Variants in MINPP1 observed in about 807,000 individuals in gnomAD.
MINPP1 encodes the protein multiple inositol polyphosphate phosphatase 1.
In MINPP1, 28 loss-of-function variants were observed where a neutral mutation model predicts 46.1. That is an observed-to-expected ratio of 0.61 (90% CI 0.45 to 0.83). The LOEUF (loss-of-function observed/expected upper bound fraction) is 0.83, where lower values mean the gene tolerates loss of function less well. Ranked by LOEUF, MINPP1 falls within the 40% of genes least tolerant of loss-of-function variation. The pLI is 0.00. For synonymous variants in MINPP1, 268 were observed against 249.1 expected, an observed-to-expected ratio of 1.08 and a Z score of -0.72; for missense variants, 603 against 610.0, an observed-to-expected ratio of 0.99 and a Z score of 0.12.
chr10:87,519,275 C>G (rs1283411898), intron 3 of MINPP1, among the ~76,000 whole-genome samples: 1 of 152,168 alleles, frequency 6.6e-6, no homozygotes, highest in Non-Finnish European at 1.5e-5. Context: ...ATAATCCAGT[C>G]CATCATCTGT....
At chr10:87,506,515 T>G (rs1199839875) in intron 1 of MINPP1, among the ~76,000 whole-genome samples, 1 of 152,178 alleles carries the variant, frequency 6.6e-6, no homozygotes, top group African/African-American at 2.4e-5. Flanking sequence ...GATGAGGAAA[T>G]TGATACACGA....
At chr10:87,513,985 G>A (rs975688307) in intron 3 of MINPP1, among the ~76,000 whole-genome samples, 12 of 151,958 alleles carry the variant, frequency 7.9e-5, no homozygotes, top group African/African-American at 1.2e-4. Context: ...GACTTCTGAC[G>A]GGTACATCTC....
In MINPP1 at chr10:87,514,787, C is replaced by T. The variant is rs576754986; in HGVS notation, c.933+1566C>T. ...CTGGAGTGCAGTGGCGCAATCTCAG[C>T]TAACTGAAACCTCTGCCTCCCGGAT... is the stretch of plus-strand genomic sequence containing the variant. On this transcript the variant is annotated intron_variant, in intron 3 of 4. Transcript: ENST00000371996. Among the ~76,000 whole-genome samples the T allele has an allele frequency of 6.6e-5, 10 of 152,244 alleles. No individual in the cohort carries two copies. In the East Asian group the frequency reaches 1.9e-3, roughly 30 times the overall value.
intron 4 of MINPP1, among the ~76,000 whole-genome samples, chr10:87,542,716 A>G (rs1401147906): frequency 6.6e-6 from 1 of 152,232 alleles, no homozygotes; most frequent in Non-Finnish European, 1.5e-5. Flanking sequence ...AGCAGATGCT[A>G]GAGCCACGCT....
intron 4 of MINPP1, among the ~76,000 whole-genome samples, chr10:87,536,096 A>G (rs1040339332): frequency 6.6e-6 from 1 of 152,234 alleles, no homozygotes; most frequent in Non-Finnish European, 1.5e-5. Flanking sequence ...TATTTGGACA[A>G]ATCTATTGAA....
chr10:87,541,212 C>T (rs1004206823), intron 4 of MINPP1, among the ~76,000 whole-genome samples: 4 of 152,164 alleles, frequency 2.6e-5, no homozygotes, highest in Admixed American at 2.6e-4. Context: ...TCTTTGGAAG[C>T]TCTTTTGGTC....
intron 3 of MINPP1, among the ~76,000 whole-genome samples, chr10:87,515,987 C>A (rs892944932): frequency 9.3e-5 from 14 of 151,220 alleles, no homozygotes; most frequent in Non-Finnish European, 1.5e-5. Context: ...TGCCATCATG[C>A]CCGGCTAATG....
At chr10:87,533,774 G>GC (rs1851692744) in intron 4 of MINPP1, among the ~76,000 whole-genome samples, 1 of 151,940 alleles carries the variant, frequency 6.6e-6, no homozygotes, top group Admixed American at 6.6e-5. Flanking sequence ...ATAAGGTATG[G>GC]CTTTTTAAAG....
chr10:87,510,980 A>G lies in MINPP1; in HGVS notation c.836-2144A>G, dbSNP rs147791000. On this transcript the variant is annotated intron_variant, in intron 2 of 4. Transcript: ENST00000371996. Reference sequence around the variant, plus strand: ...TTATTAGTCATTTTAATTTTCGCCAATTTGATTAATGAAAAATAGTATCTA... The same window carrying G: ...TTATTAGTCATTTTAATTTTCGCCAGTTTGATTAATGAAAAATAGTATCTA... 1.7e-4 allele frequency among the ~76,000 whole-genome samples: 26 copies of G among 152,238 alleles called. No individual in the cohort carries two copies. In the East Asian group the frequency reaches 5.0e-3, roughly 29 times the overall value.
At chr10:87,550,905 C>T (rs1408377) in intron 4 of MINPP1, among the ~76,000 whole-genome samples, 29,511 of 151,860 alleles carry the variant, frequency 0.19, 2,942 homozygotes, top group African/African-American at 0.25. Flanking sequence ...CTTGCACTCA[C>T]CAAGTCCTGG....
chr10:87,539,274 T>C (rs1851780274), intron 4 of MINPP1, among the ~76,000 whole-genome samples: 1 of 152,238 alleles, frequency 6.6e-6, no homozygotes. Flanking sequence ...AAAATATGTA[T>C]CTTTTCAAGT....
chr10:87,518,977 G>A (rs1851454590), intron 3 of MINPP1, among the ~76,000 whole-genome samples: 1 of 152,096 alleles, frequency 6.6e-6, no homozygotes, highest in Non-Finnish European at 1.5e-5. Context: ...CAGGATATGA[G>A]GCAGGACCCT....
chr10:87,552,274 C>G lies in MINPP1; in HGVS notation c.1260C>G (p.Tyr420Ter). The change falls in exon 5 of 5, where the codon TAC (tyrosine) becomes TAG (stop). Residue 420 changes from tyrosine to a stop codon, truncating the protein, a stop_gained. Coordinates refer to ENST00000371996, the MANE Select transcript of MINPP1 (RefSeq NM_004897.5). LOFTEE classifies it high-confidence loss of function. ...PYASNLIFVL[Y>*]HCENAKTPKE... The stretch of plus-strand genomic sequence containing the variant: ...CCTCGAACCTGATATTTGTGCTTTA[C>G]CACTGTGAAAATGCTAAGACTCCTA... The G allele has an allele frequency of 6.2e-7, 1 of 1,613,778 alleles. No homozygotes were observed. Among genetic ancestry groups the G allele is most frequent in the Non-Finnish European group, 8.5e-7 (1 of 1,179,792 alleles).
chr10:87,520,673 TAAA>T (rs1851487704), intron 3 of MINPP1, among the ~76,000 whole-genome samples: 1 of 152,120 alleles, frequency 6.6e-6, no homozygotes, highest in South Asian at 2.1e-4. Flanking sequence ...GAAGAAAGAA[TAAA>T]GAAGAATATT....
chr10:87,540,495 T>TCACA (rs3062345), intron 4 of MINPP1, among the ~76,000 whole-genome samples: 112 of 149,166 alleles, frequency 7.5e-4, no homozygotes, highest in African/African-American at 1.6e-3. Context: ...TCTCTCTCTG[T>TCACA]CACACACACA....
chr10:87,541,758 C>T (rs114921777), intron 4 of MINPP1, among the ~76,000 whole-genome samples: 2,048 of 152,234 alleles, frequency 0.013, 45 homozygotes, highest in African/African-American at 0.047. Flanking sequence ...GGAGCGAAAG[C>T]GAGAGAAGGA....
At chr10:87,546,751 AC>A (rs1341970022) in intron 4 of MINPP1, 2 of 151,770 alleles carry the variant, frequency 1.3e-5, no homozygotes, top group Admixed American at 6.6e-5. Context: ...ACAAGCTAAG[AC>A]CCCGTTTCTA....
chr10:87,519,393 A>C (rs1207913086), intron 3 of MINPP1, among the ~76,000 whole-genome samples: 2 of 152,160 alleles, frequency 1.3e-5, no homozygotes, highest in Non-Finnish European at 2.9e-5. Flanking sequence ...TCACCCTTTC[A>C]TGCATCTGTC....
chr10:87,525,247 A>G (rs1258916590), intron 4 of MINPP1, among the ~76,000 whole-genome samples: 1 of 152,216 alleles, frequency 6.6e-6, no homozygotes, highest in African/African-American at 2.4e-5. Context: ...CATCGCCTCA[A>G]AAAGAAACTC....
Sources: allele counts gnomAD v4.1 joint callset (sites outside exome capture counted in the v4.1 genomes callset), GRCh38; gene constraint gnomAD v4.1.1; transcripts MANE v1.5; gene names NCBI Gene and HGNC (gene_info 2026-07-23, HGNC 2026-07-21).